CAST: variants seen among roughly 807,000 people sequenced by gnomAD.
CAST encodes MIR583 host.
In CAST, 76 loss-of-function variants were observed where a neutral mutation model predicts 119.6. That is an observed-to-expected ratio of 0.64 (90% CI 0.53 to 0.77). CAST has a LOEUF of 0.77. Ranked by LOEUF, CAST falls within the 30% of genes least tolerant of loss-of-function variation. The pLI is 0.00. For synonymous variants in CAST, 319 were observed against 331.6 expected (o/e 0.96, Z 0.41); for missense variants, 953 against 946.5 (o/e 1.01, Z -0.09).
intron 1 of CAST, among the ~76,000 whole-genome samples, chr5:96,577,556 TC>T (rs1396313972): frequency 2.0e-5 from 3 of 152,154 alleles, no homozygotes; most frequent in Non-Finnish European, 4.4e-5. Context: ...TTCAGATAGA[TC>T]CCACATAATC....
intron 22 of CAST, 101 bp from the exon 23 acceptor site, chr5:96,757,343 C>T (rs1766530473): frequency 3.9e-6 from 4 of 1,028,772 alleles, no homozygotes; most frequent in East Asian, 2.4e-5. Flanking sequence ...AAATGTACAA[C>T]AGCAAGTATA....
chr5:96,407,763 T>G, the CAST span, among the ~76,000 whole-genome samples: 3 of 152,210 alleles, frequency 2.0e-5, no homozygotes, highest in Admixed American at 2.0e-4. Context: ...TTATATCAGC[T>G]CCAGGACTAG....
the CAST span, among the ~76,000 whole-genome samples, chr5:96,377,964 G>A: frequency 6.6e-6 from 1 of 152,108 alleles, no homozygotes; most frequent in Non-Finnish European, 1.5e-5. Flanking sequence ...TATATACAAT[G>A]GAATGTTCTT....
chr5:96,197,517 A>T, the CAST span, among the ~76,000 whole-genome samples: 1 of 152,208 alleles, frequency 6.6e-6, no homozygotes, highest in Non-Finnish European at 1.5e-5. Flanking sequence ...TTAAACCTTA[A>T]GTACAGCTGG....
At chr5:96,468,464 A>C in the CAST span, among the ~76,000 whole-genome samples, 2 of 152,118 alleles carry the variant, frequency 1.3e-5, no homozygotes, top group African/African-American at 4.8e-5. Context: ...GATGAATGTT[A>C]GTGGGACCAC....
the CAST span, among the ~76,000 whole-genome samples, chr5:96,071,565 T>C: frequency 2.6e-5 from 4 of 152,280 alleles, no homozygotes; most frequent in South Asian, 8.3e-4. Context: ...AAAGTTTTCC[T>C]GGCACCAGGC....
the CAST span, among the ~76,000 whole-genome samples, chr5:95,989,349 CTT>C: frequency 6.6e-6 from 1 of 152,126 alleles, no homozygotes; most frequent in Non-Finnish European, 1.5e-5. Flanking sequence ...GTTTCACACT[CTT>C]TTGTTTTGTT....
chr5:96,518,986 G>A, the CAST span, among the ~76,000 whole-genome samples: 3 of 151,934 alleles, frequency 2.0e-5, no homozygotes, highest in African/African-American at 2.4e-5. Context: ...GCTTAAACCC[G>A]GGAGGCAGAG....
chr5:96,284,719 A>C, the CAST span, among the ~76,000 whole-genome samples: 1 of 138,042 alleles, frequency 7.2e-6, no homozygotes, highest in Non-Finnish European at 1.6e-5. Context: ...GAAAGTCATA[A>C]ATACAAAGTG....
chr5:96,541,757 T>C (rs142044254), intron 1 of CAST, among the ~76,000 whole-genome samples: 308 of 152,358 alleles, frequency 2.0e-3, no homozygotes, highest in African/African-American at 7.1e-3. Context: ...CACTTAGCAA[T>C]ATTATTTAAG....
At chr5:96,314,122 G>A in the CAST span, among the ~76,000 whole-genome samples, 6 of 152,274 alleles carry the variant, frequency 3.9e-5, no homozygotes, top group African/African-American at 1.4e-4. Context: ...TGTTAGAAGA[G>A]TTTTTGCTCA....
upstream of CAST, among the ~76,000 whole-genome samples, chr5:96,524,406 A>G (rs1480440457): frequency 6.6e-6 from 1 of 152,222 alleles, no homozygotes; most frequent in South Asian, 2.1e-4. Context: ...ACTTGGGTCA[A>G]TTTGAGAAGT....
chr5:96,055,874 T>G, the CAST span, among the ~76,000 whole-genome samples: 1 of 152,136 alleles, frequency 6.6e-6, no homozygotes, highest in Non-Finnish European at 1.5e-5. Flanking sequence ...GGTGAAGCTT[T>G]GTTGATGATA....
the CAST span, among the ~76,000 whole-genome samples, chr5:96,308,089 C>T: frequency 6.6e-6 from 1 of 152,100 alleles, no homozygotes; most frequent in Non-Finnish European, 1.5e-5. Context: ...TCAGGTACAC[C>T]AATCAAACGT....
At chr5:96,097,641 T>TC in the CAST span, among the ~76,000 whole-genome samples, 1 of 152,216 alleles carries the variant, frequency 6.6e-6, no homozygotes, top group Non-Finnish European at 1.5e-5. Context: ...TCCATCCATG[T>TC]CCCTGCACAG....
At chr5:96,068,507 A>G in the CAST span, among the ~76,000 whole-genome samples, 1 of 151,676 alleles carries the variant, frequency 6.6e-6, no homozygotes, top group Non-Finnish European at 1.5e-5. Flanking sequence ...CAGTTACTAA[A>G]CATCTGATAT....
At chr5:96,331,241 T>G in the CAST span, among the ~76,000 whole-genome samples, 1 of 152,188 alleles carries the variant, frequency 6.6e-6, no homozygotes. Flanking sequence ...GTTTAATGAT[T>G]CCACATCTAG....
At chr5:96,364,746 C>A in the CAST span, among the ~76,000 whole-genome samples, 1 of 152,098 alleles carries the variant, frequency 6.6e-6, no homozygotes, top group African/African-American at 2.4e-5. Context: ...GCAGGTCTAT[C>A]AATTTTGTTG....
chr5:96,403,050 G>T, the CAST span, among the ~76,000 whole-genome samples: 8 of 152,204 alleles, frequency 5.3e-5, no homozygotes, highest in Admixed American at 1.3e-4. Flanking sequence ...AGGTGCATGT[G>T]TGGAGGCAGG....
Sources: gnomAD v4.1 joint callset for allele counts (sites outside exome capture counted in the v4.1 genomes callset) on GRCh38, gnomAD v4.1.1 for gene constraint, MANE v1.5 for transcripts, NCBI Gene and HGNC (gene_info 2026-07-23, HGNC 2026-07-21) for gene names.